The following ALPL variants were observed in gnomAD, a reference collection of about 807,000 sequenced individuals.
ALPL encodes alkaline phosphatase, tissue-nonspecific isozyme.
Under a neutral mutation model 51.3 loss-of-function variants are expected in ALPL, and 42 were observed. The ratio of observed to expected loss-of-function variants is 0.82; its 90% CI spans 0.64 to 1.06. The LOEUF (loss-of-function observed/expected upper bound fraction) is 1.06. ALPL is among the 50% of genes least tolerant of loss of function. ALPL has a pLI of 0.00. For synonymous variants in ALPL, 279 were observed against 296.4 expected (o/e 0.94, Z 0.60); for missense variants, 589 against 709.4 (o/e 0.83, Z 1.93).
intron 1 of ALPL, among the ~76,000 whole-genome samples, chr1:21,512,651 G>T (rs1421191541): frequency 6.6e-6 from 1 of 152,016 alleles, no homozygotes; most frequent in East Asian, 1.9e-4. Context: ...CTCATAGGAG[G>T]CCCCCAACAT....
At chr1:21,535,812 T>C (rs546280507) in intron 1 of ALPL, among the ~76,000 whole-genome samples, 2 of 152,212 alleles carry the variant, frequency 1.3e-5, no homozygotes, top group African/African-American at 4.8e-5. Flanking sequence ...CTCCAATGAC[T>C]AGGAGAAAAA....
Position 21,510,813 on chromosome 1 carries a change from G to C in ALPL, c.-105+1296G>C, listed in dbSNP as rs558060743. 7.9e-5 allele frequency among the ~76,000 whole-genome samples: 12 copies of C among 152,302 alleles called. No individual in the cohort carries two copies. In the East Asian group the frequency reaches 2.3e-3, roughly 29 times the overall value. ...CCCCACCTGTGGGTGTCCCCACGCT[G>C]TCCTGCCCCAGCCATCCCACTCCCT... On this transcript the variant is annotated intron_variant, in intron 1 of 11. Transcript: ENST00000374840.
At chr1:21,530,835 C>T (rs950222930) in intron 1 of ALPL, among the ~76,000 whole-genome samples, 1 of 145,224 alleles carries the variant, frequency 6.9e-6, no homozygotes, top group African/African-American at 2.6e-5. Context: ...GACTGGAGAG[C>T]AGTGGCATGA....
chr1:21,529,082 AAG>A (rs1643994563), intron 1 of ALPL, among the ~76,000 whole-genome samples: 3 of 151,386 alleles, frequency 2.0e-5, no homozygotes, highest in South Asian at 2.1e-4. Flanking sequence ...AAAAAAAAAA[AAG>A]AAAATATTAT....
chr1:21,509,653 A>G lies in ALPL; in HGVS notation c.-105+136A>G, dbSNP rs1181511659. ...CGGGGTCTCCAGCGCCACGCCGCCCACAGCAGCCCATTCGGGACGCCCTGC... is the reference window on the plus strand; with the variant it reads ...CGGGGTCTCCAGCGCCACGCCGCCCGCAGCAGCCCATTCGGGACGCCCTGC... On this transcript the variant is annotated intron_variant, in intron 1 of 11. Coordinates refer to ENST00000374840, the MANE Select transcript of ALPL (RefSeq NM_000478.6). The surrounding 1 kb of genome is among the most constrained non-coding windows in gnomAD (Gnocchi z 6.0). 1 of 152,802 alleles carries G rather than the reference A, an allele frequency of 6.5e-6. No individual in the cohort carries two copies. The highest frequency in any genetic ancestry group is 2.4e-5 in the African/African-American group (1 of 41,454). The allele number at this position is 152,802 out of a possible 1,614,324, so 9.5% of individuals were successfully genotyped here. A position where few individuals can be genotyped will look rare whatever the true frequency, so the allele number is the denominator to read the frequency against.
chr1:21,521,951 G>T (rs750056519), intron 1 of ALPL, among the ~76,000 whole-genome samples: 18 of 152,128 alleles, frequency 1.2e-4, no homozygotes, highest in Admixed American at 2.0e-4. Context: ...CTCGCAGCGA[G>T]TTAACATTTC....
intron 8 of ALPL, 143 bp from the exon 9 acceptor site, chr1:21,573,522 G>A: frequency 1.0e-6 from 1 of 990,294 alleles, no homozygotes; most frequent in Non-Finnish European, 1.5e-6. Context: ...AAATCACCCA[G>A]ATAAGGATCC....
Position 21,563,091 on chromosome 1 carries a change from C to T in ALPL, c.298-19C>T. ...GGCGAAGGCCTGGCCATCTCCTGACCCTCCTCTCCCACCTGCAGACGTACA... is the reference window on the plus strand; with the variant it reads ...GGCGAAGGCCTGGCCATCTCCTGACTCTCCTCTCCCACCTGCAGACGTACA... On this transcript the variant is annotated intron_variant, in intron 4 of 11. Transcript: ENST00000374840. The T allele has an allele frequency of 6.2e-7, 1 of 1,613,368 alleles. No individual in the cohort carries two copies.
In ALPL at chr1:21,554,032, G is replaced by T; in HGVS notation, c.-50G>T. The T allele has an allele frequency of 1.7e-6, 1 of 586,428 alleles. No individual in the cohort carries two copies. The highest frequency in any genetic ancestry group is 3.2e-6 in the Non-Finnish European group (1 of 308,990). The allele number at this position is 586,428 out of a possible 1,614,324, so 36.3% of individuals were successfully genotyped here. A position where few individuals can be genotyped will look rare whatever the true frequency, so the allele number is the denominator to read the frequency against. On this transcript the variant is annotated 5_prime_UTR_variant, in exon 2 of 12. Transcript: ENST00000374840. ...TGCCAGCCCACCCCCTCCCACCCACGTCGATTGCATCTCTGGGCTCCAGGG... is the reference window on the plus strand; with the variant it reads ...TGCCAGCCCACCCCCTCCCACCCACTTCGATTGCATCTCTGGGCTCCAGGG...
intron 8 of ALPL, among the ~76,000 whole-genome samples, chr1:21,572,964 A>G (rs1359114113): frequency 6.6e-6 from 1 of 152,210 alleles, no homozygotes; most frequent in Admixed American, 6.5e-5. Context: ...TTGGGGCCAC[A>G]GTGCTGTGTG....
chr1:21,563,615 A>G (rs1644518432), intron 5 of ALPL, among the ~76,000 whole-genome samples: 1 of 152,120 alleles, frequency 6.6e-6, no homozygotes, highest in Non-Finnish European at 1.5e-5. Flanking sequence ...GGTGCAGTCC[A>G]TGGCCACGCC....
intron 1 of ALPL, among the ~76,000 whole-genome samples, chr1:21,553,661 G>C (rs1354227739): frequency 1.3e-5 from 2 of 152,208 alleles, no homozygotes; most frequent in Non-Finnish European, 2.9e-5. Context: ...TACAGTTTGA[G>C]AAACACTGCA....
At chr1:21,524,345 G>C (rs1643915170) in intron 1 of ALPL, among the ~76,000 whole-genome samples, 1 of 152,114 alleles carries the variant, frequency 6.6e-6, no homozygotes, top group East Asian at 1.9e-4. Context: ...CACAGGCTGG[G>C]AGTGGTGGCA....
chr1:21,530,426 T>C (rs1363536532), intron 1 of ALPL, among the ~76,000 whole-genome samples: 1 of 152,210 alleles, frequency 6.6e-6, no homozygotes, highest in African/African-American at 2.4e-5. Context: ...TTCTGTTTGA[T>C]GCTGTGTCTT....
intron 1 of ALPL, among the ~76,000 whole-genome samples, chr1:21,512,048 A>G (rs547165333): frequency 2.0e-4 from 30 of 152,280 alleles, no homozygotes; most frequent in Middle Eastern, 3.4e-3. Flanking sequence ...TGGCTTTTTA[A>G]TACAAAACCC....
chr1:21,567,811 G>A (rs1462895163), intron 6 of ALPL, among the ~76,000 whole-genome samples: 1 of 152,186 alleles, frequency 6.6e-6, no homozygotes, highest in Non-Finnish European at 1.5e-5. Flanking sequence ...TCTGTAAATG[G>A]TCTGATTCTT....
chr1:21,529,198 T>C (rs1182179946), intron 1 of ALPL, among the ~76,000 whole-genome samples: 7 of 152,150 alleles, frequency 4.6e-5, no homozygotes, highest in African/African-American at 1.7e-4. Flanking sequence ...ATGGTTAATC[T>C]CAAATTAATG....
intron 1 of ALPL, among the ~76,000 whole-genome samples, chr1:21,512,952 T>A (rs1643720407): frequency 6.6e-6 from 1 of 152,178 alleles, no homozygotes; most frequent in African/African-American, 2.4e-5. Context: ...GGATGGTGGT[T>A]AAGCTGCTCA....
At chr1:21,548,180 T>G (rs1644276732) in intron 1 of ALPL, among the ~76,000 whole-genome samples, 4 of 152,034 alleles carry the variant, frequency 2.6e-5, no homozygotes, top group Admixed American at 2.6e-4. Flanking sequence ...TGGCAGAGGG[T>G]GGTGGGCAGC....
Sources: allele counts gnomAD v4.1 joint callset (sites outside exome capture counted in the v4.1 genomes callset), GRCh38; gene constraint gnomAD v4.1.1; non-coding constraint Gnocchi (gnomAD v3.1); transcripts MANE v1.5; gene names NCBI Gene and HGNC (gene_info 2026-07-23, HGNC 2026-07-21).